DTL: variants seen among roughly 807,000 people sequenced by gnomAD.
DTL encodes denticleless E3 ubiquitin protein ligase adapter.
DTL carries 46 observed loss-of-function variants against 87.0 expected under a neutral mutation model. The observed-to-expected ratio is 0.53, with a 90% CI of 0.42 to 0.68. The LOEUF (loss-of-function observed/expected upper bound fraction) is 0.68. DTL is among the 30% of genes least tolerant of loss of function. The pLI, the probability that DTL is intolerant of heterozygous loss-of-function variation, is 0.00. For synonymous variants in DTL, 308 were observed against 311.2 expected (o/e 0.99, Z 0.11); for missense variants, 737 against 869.4 (o/e 0.85, Z 1.91).
intron 13 of DTL, among the ~76,000 whole-genome samples, chr1:212,085,481 T>C (rs1373187494): frequency 2.0e-5 from 3 of 152,258 alleles, no homozygotes; most frequent in African/African-American, 7.2e-5. Context: ...TCTGCCCATA[T>C]TCTAATTGGG....
At chr1:212,102,406 C>G (rs1263630878) in intron 14 of DTL, among the ~76,000 whole-genome samples, 1 of 151,962 alleles carries the variant, frequency 6.6e-6, no homozygotes, top group Non-Finnish European at 1.5e-5. Flanking sequence ...GTGTGCTGGT[C>G]TTGTAATTTA....
chr1:212,042,445 A>G (rs143468366), intron 1 of DTL, among the ~76,000 whole-genome samples: 38 of 152,364 alleles, frequency 2.5e-4, no homozygotes, highest in Middle Eastern at 3.4e-3. Flanking sequence ...AATTTCTCTA[A>G]TATAATTTAA....
intron 14 of DTL, 80 bp from the exon 15 acceptor site, chr1:212,102,762 A>C: frequency 2.0e-6 from 2 of 977,438 alleles, no homozygotes; most frequent in Non-Finnish European, 3.1e-6. Context: ...TGGCAGCCTA[A>C]TTTAAGGTAT....
At chr1:212,084,530 C>G (rs756611925) in intron 13 of DTL, among the ~76,000 whole-genome samples, 18 of 152,118 alleles carry the variant, frequency 1.2e-4, no homozygotes, top group Non-Finnish European at 2.2e-4. Context: ...TTTAATAAGT[C>G]AGCTAGTTCT....
intron 13 of DTL, 148 bp from the exon 14 acceptor site, chr1:212,100,104 G>T: frequency 1.9e-6 from 1 of 513,322 alleles, no homozygotes; most frequent in East Asian, 3.1e-5. Context: ...AATGATAAAA[G>T]GGTGTGGTTG....
intron 1 of DTL, among the ~76,000 whole-genome samples, chr1:212,042,737 A>G (rs932347993): frequency 4.6e-5 from 7 of 152,276 alleles, no homozygotes; most frequent in African/African-American, 1.4e-4. Context: ...TCTAATCTCA[A>G]TGTACTAGTG....
intron 5 of DTL, among the ~76,000 whole-genome samples, chr1:212,057,529 A>G (rs374820843): frequency 2.6e-4 from 39 of 152,280 alleles, no homozygotes; most frequent in Middle Eastern, 3.4e-3. Context: ...GGAAGTGAAG[A>G]GCAATATTTA....
Position 212,062,915 on chromosome 1 carries a change from C to T in DTL, c.492C>T (p.Asn164=). Residue 164 remains asparagine (N), a synonymous_variant, in exon 6 of 15, where the codon AAC becomes AAT. Transcript: ENST00000366991. ...TCTGTACGGGTGGAAGAGATGGCAA[C>T]ATTATGGTCTGGGATACCAGGTGCA... The part of the protein sequence containing the change: ...AVFCTGGRDG[N]IMVWDTRCNK... 6.2e-7 allele frequency: 1 copy of T among 1,613,672 alleles called. No homozygotes were observed.
At chr1:212,102,536 T>A (rs1655654145) in intron 14 of DTL, among the ~76,000 whole-genome samples, 1 of 152,230 alleles carries the variant, frequency 6.6e-6, no homozygotes, top group African/African-American at 2.4e-5. Flanking sequence ...GGGGGCTGAT[T>A]TATTCATTTA....
At chr1:212,084,206 C>CT (rs112388208) in intron 13 of DTL, among the ~76,000 whole-genome samples, 1,903 of 48,658 alleles carry the variant, frequency 0.039, 41 homozygotes, top group African/African-American at 0.14. Flanking sequence ...TTTTTCTTTT[C>CT]TTTTTTTTTT....
intron 3 of DTL, 142 bp from the exon 4 acceptor site, chr1:212,047,009 T>C (rs914448100): frequency 7.2e-6 from 5 of 698,538 alleles, no homozygotes; most frequent in African/African-American, 5.4e-5. Context: ...TGATATCTCA[T>C]TGTGGTTTTG....
At chr1:212,051,800 C>T in intron 5 of DTL, 1 of 751,122 alleles carries the variant, frequency 1.3e-6, no homozygotes, top group South Asian at 1.4e-5. Flanking sequence ...CAACAGCATG[C>T]TGGGTAACAT....
chr1:212,039,855 T>G (rs77594206), intron 1 of DTL, among the ~76,000 whole-genome samples: 1,640 of 152,276 alleles, frequency 0.011, 30 homozygotes, highest in African/African-American at 0.037. Context: ...GGAGGGTGCT[T>G]ACTATGAATG....
chr1:212,083,679 A>AT (rs1320218181), intron 13 of DTL, among the ~76,000 whole-genome samples: 1 of 152,182 alleles, frequency 6.6e-6, no homozygotes, highest in Non-Finnish European at 1.5e-5. Flanking sequence ...ATGTACATAG[A>AT]TTTTTTAATC....
chr1:212,040,492 G>A (rs1667605308), intron 1 of DTL, among the ~76,000 whole-genome samples: 1 of 152,114 alleles, frequency 6.6e-6, no homozygotes, highest in Non-Finnish European at 1.5e-5. Context: ...CAATTATAAC[G>A]ATATTCTGTA....
chr1:212,085,355 A>G (rs1349518078), intron 13 of DTL, among the ~76,000 whole-genome samples: 2 of 152,154 alleles, frequency 1.3e-5, no homozygotes, highest in African/African-American at 4.8e-5. Context: ...GGTGTGAATT[A>G]GTGTCCCATT....
At chr1:212,073,049 G>A (rs1654724129) in intron 11 of DTL, among the ~76,000 whole-genome samples, 1 of 152,164 alleles carries the variant, frequency 6.6e-6, no homozygotes, top group Non-Finnish European at 1.5e-5. Context: ...ACAGGCATGA[G>A]CCACCATGCC....
intron 6 of DTL, among the ~76,000 whole-genome samples, 195 bp downstream of exon 6, chr1:212,063,144 A>G (rs546917600): frequency 6.6e-6 from 1 of 152,264 alleles, no homozygotes; most frequent in African/African-American, 2.4e-5. Flanking sequence ...CACTGTTACA[A>G]GTATTACACT....
At chr1:212,050,516 A>G (rs1390579951) in intron 5 of DTL, among the ~76,000 whole-genome samples, 5 of 152,246 alleles carry the variant, frequency 3.3e-5, no homozygotes, top group Non-Finnish European at 5.9e-5. Flanking sequence ...CTTCTTTCTC[A>G]TTCTTCATTC....
Sources: gnomAD v4.1 joint callset for allele counts (sites outside exome capture counted in the v4.1 genomes callset) on GRCh38, gnomAD v4.1.1 for gene constraint, MANE v1.5 for transcripts, NCBI Gene and HGNC (gene_info 2026-07-23, HGNC 2026-07-21) for gene names.